Variants in MBD5 observed in about 807,000 individuals in gnomAD.
MBD5 encodes the protein methyl-CpG binding domain protein 5, also known as methyl-CpG-binding domain protein 5.
MBD5 carries 13 observed loss-of-function variants against 117.3 expected under a neutral mutation model. That is an observed-to-expected ratio of 0.11 (90% CI 0.07 to 0.18). The LOEUF is 0.18. Among genes scored for constraint, MBD5 ranks in the 10% least tolerant of loss-of-function variants. The pLI, the probability that MBD5 is intolerant of heterozygous loss-of-function variation, is 1.00. For missense variants in MBD5, 1,879 were observed against 2,093.8 expected, an observed-to-expected ratio of 0.90 and a Z score of 2.00; for synonymous variants, 727 against 766.4, an observed-to-expected ratio of 0.95 and a Z score of 0.85.
intron 4 of MBD5, among the ~76,000 whole-genome samples, chr2:148,360,312 T>C (rs1703496608): frequency 6.6e-6 from 1 of 152,202 alleles, no homozygotes; most frequent in South Asian, 2.1e-4. Flanking sequence ...CATATATTTT[T>C]TGGATTAACA....
At chr2:148,119,502 T>C (rs1439056429) in intron 1 of MBD5, among the ~76,000 whole-genome samples, 1 of 152,202 alleles carries the variant, frequency 6.6e-6, no homozygotes, top group Admixed American at 6.5e-5. Context: ...AATGTCCTAG[T>C]TTTGATGAAG....
chr2:148,438,629 A>T (rs1380779124), intron 4 of MBD5, among the ~76,000 whole-genome samples: 1 of 152,136 alleles, frequency 6.6e-6, no homozygotes, highest in Non-Finnish European at 1.5e-5. Context: ...GATATATGAG[A>T]GGAGATTTAT....
chr2:148,185,581 G>A (rs925962179), intron 2 of MBD5, among the ~76,000 whole-genome samples: 4 of 152,168 alleles, frequency 2.6e-5, no homozygotes, highest in Non-Finnish European at 5.9e-5. Flanking sequence ...ACTATTCTGA[G>A]TAATACACTA....
At position 148,358,126 on chromosome 2, in the gene MBD5, A is replaced by C. The variant is rs1703433554; in HGVS notation, c.-557+15790A>C. Among the ~76,000 whole-genome samples, 5 of 152,138 alleles carry C rather than the reference A, an allele frequency of 3.3e-5. No homozygotes were observed. The Middle Eastern group carries it at 0.01, about 310-fold the overall frequency. ...ACTTATTTTTTATTTCTGTATTGTC[A>C]TTTTACTGGGTCTTAAAAGAAGTAA... On this transcript the variant is annotated intron_variant, in intron 4 of 13. Transcript: ENST00000642680.
At chr2:148,254,069 A>G (rs567145885) in intron 3 of MBD5, among the ~76,000 whole-genome samples, 85 of 152,276 alleles carry the variant, frequency 5.6e-4, no homozygotes, top group Non-Finnish European at 9.3e-4. Flanking sequence ...CACAACAACA[A>G]TACAGAGAGG....
In MBD5 at chr2:148,057,509, G is replaced by A. The variant is rs570846006; in HGVS notation, c.-925+35825G>A. Among the ~76,000 whole-genome samples, 8 of 151,502 alleles carry A rather than the reference G, an allele frequency of 5.3e-5. No homozygotes were observed. In the East Asian group the frequency reaches 1.5e-3, roughly 29 times the overall value. ...AGTGTTTTTGCCCCAAGCCTGTGAG[G>A]ATATCTTTTTTTATTATTGATTTCT... On this transcript the variant is annotated intron_variant, in intron 1 of 13. Coordinates refer to ENST00000642680, the MANE Select transcript of MBD5 (RefSeq NM_001378120.1).
chr2:148,112,268 A>G (rs1411142531), intron 1 of MBD5, among the ~76,000 whole-genome samples: 1 of 152,162 alleles, frequency 6.6e-6, no homozygotes, highest in East Asian at 1.9e-4. Flanking sequence ...GCACACATGC[A>G]TTTTTGAGAA....
chr2:148,153,393 T>G (rs1697751280), intron 1 of MBD5, among the ~76,000 whole-genome samples: 1 of 150,410 alleles, frequency 6.6e-6, no homozygotes, highest in Admixed American at 6.6e-5. Context: ...CATTTCAACT[T>G]TGGTGAATCT....
chr2:148,042,682 T>G (rs975769762), intron 1 of MBD5, among the ~76,000 whole-genome samples: 1 of 152,064 alleles, frequency 6.6e-6, no homozygotes, highest in African/African-American at 2.4e-5. Context: ...TAAGAAAAAT[T>G]GCAAACCTCA....
intron 1 of MBD5, among the ~76,000 whole-genome samples, chr2:148,090,199 T>C (rs1486597555): frequency 1.3e-5 from 2 of 151,748 alleles, no homozygotes; most frequent in Non-Finnish European, 3.0e-5. Context: ...AATTTAAAAA[T>C]TGGCAACAAC....
At chr2:148,056,777 T>A (rs1425899904) in intron 1 of MBD5, among the ~76,000 whole-genome samples, 1 of 151,984 alleles carries the variant, frequency 6.6e-6, no homozygotes, top group East Asian at 1.9e-4. Context: ...TTTTTTCTAT[T>A]CTCTGGAAGT....
At chr2:148,506,281 T>C (rs1311754312) in intron 12 of MBD5, among the ~76,000 whole-genome samples, 2 of 152,216 alleles carry the variant, frequency 1.3e-5, no homozygotes, top group African/African-American at 2.4e-5. Context: ...TTCCACAGCT[T>C]TTACATATGT....
At chr2:148,109,544 A>G (rs1240896601) in intron 1 of MBD5, among the ~76,000 whole-genome samples, 1 of 152,196 alleles carries the variant, frequency 6.6e-6, no homozygotes, top group African/African-American at 2.4e-5. Context: ...GTCTACTAGA[A>G]AAAGAGATGA....
chr2:148,264,081 C>G (rs927239022), intron 3 of MBD5: 1 of 152,102 alleles, frequency 6.6e-6, no homozygotes, highest in South Asian at 2.1e-4. Flanking sequence ...TCAAAGTGCA[C>G]ATGTAGATGT....
rs190176624 is a variant in MBD5 at position 148,438,229 on chromosome 2, G to A, written c.-556-19974G>A. Among the ~76,000 whole-genome samples, 63 of 152,282 alleles carry A rather than the reference G, an allele frequency of 4.1e-4. 1 individual carries two copies. The East Asian group carries it at 5.4e-3, about 13-fold the overall frequency. On this transcript the variant is annotated intron_variant, in intron 4 of 13. Transcript: ENST00000642680. ...GTCATACACAACTGAGAATTTGGCA[G>A]GGGAGATTTTTTGTATTTTTCATCT... is the stretch of plus-strand genomic sequence containing the variant.
chr2:148,271,669 A>G (rs1399808720), intron 3 of MBD5, among the ~76,000 whole-genome samples: 1 of 152,120 alleles, frequency 6.6e-6, no homozygotes, highest in African/African-American at 2.4e-5. Context: ...TATTATTTCT[A>G]CTTTTTTAAT....
intron 3 of MBD5, among the ~76,000 whole-genome samples, chr2:148,286,159 C>T (rs920426290): frequency 4.6e-5 from 7 of 152,012 alleles, no homozygotes; most frequent in Non-Finnish European, 7.4e-5. Flanking sequence ...GATTATTTGT[C>T]GTAAAGCTTT....
At chr2:148,450,731 A>G (rs1706702128) in intron 4 of MBD5, among the ~76,000 whole-genome samples, 1 of 152,212 alleles carries the variant, frequency 6.6e-6, no homozygotes, top group Non-Finnish European at 1.5e-5. Context: ...AGGCCTGCCA[A>G]GATTCAGCAT....
intron 3 of MBD5, among the ~76,000 whole-genome samples, chr2:148,338,926 G>T (rs754057967): frequency 2.0e-4 from 30 of 152,102 alleles, no homozygotes; most frequent in Non-Finnish European, 3.8e-4. Context: ...TTCAAATTTG[G>T]GCTGACCAAA....
Sources: allele counts gnomAD v4.1 joint callset (sites outside exome capture counted in the v4.1 genomes callset), GRCh38; gene constraint gnomAD v4.1.1; transcripts MANE v1.5; gene names NCBI Gene and HGNC (gene_info 2026-07-23, HGNC 2026-07-21).